The following CNTN1 variants were observed in gnomAD, a reference collection of about 807,000 sequenced individuals.
CNTN1 encodes contactin-1.
A neutral mutation model predicts 126.4 loss-of-function variants in CNTN1; 38 were observed. That is an observed-to-expected ratio of 0.30 (90% CI 0.23 to 0.39). CNTN1 has a LOEUF of 0.39. CNTN1 is among the 10% of genes least tolerant of loss of function. The pLI is 1.00. For missense variants in CNTN1, 1,009 were observed against 1,248.4 expected, an observed-to-expected ratio of 0.81 and a Z score of 2.89; for synonymous variants, 413 against 422.6, an observed-to-expected ratio of 0.98 and a Z score of 0.28.
chr12:40,715,985 C>A (rs949840013), intron 1 of CNTN1, among the ~76,000 whole-genome samples: 2 of 151,992 alleles, frequency 1.3e-5, no homozygotes, highest in Non-Finnish European at 2.9e-5. Flanking sequence ...GGGAGAGGTG[C>A]AGATATGAAG....
At chr12:40,819,973 C>T (rs1033867155) in intron 1 of CNTN1, among the ~76,000 whole-genome samples, 1 of 152,178 alleles carries the variant, frequency 6.6e-6, no homozygotes, top group African/African-American at 2.4e-5. Flanking sequence ...TTCTTCTCTC[C>T]GTGGGTCATG....
rs924635205 is a variant in CNTN1, at chr12:41,070,737, A to G, written c.*702A>G. On this transcript the variant is annotated 3_prime_UTR_variant, in exon 24 of 24. Transcript: ENST00000551295. ...TTTTTAATAGTAAAGTTAACATACC[A>G]TATAGATTTTTTTTTACTTTTATAT... 1 of 147,840 alleles carries G rather than the reference A, an allele frequency of 6.8e-6. No homozygotes were observed. Among genetic ancestry groups the G allele is most frequent in the African/African-American group, 2.6e-5 (1 of 38,118 alleles). The allele number at this position is 147,840 out of a possible 1,614,324, so 9.2% of individuals were successfully genotyped here. A position where few individuals can be genotyped will look rare whatever the true frequency, so the allele number is the denominator to read the frequency against.
At chr12:40,758,838 C>T (rs1252564433) in intron 1 of CNTN1, among the ~76,000 whole-genome samples, 1 of 152,084 alleles carries the variant, frequency 6.6e-6, no homozygotes, top group Non-Finnish European at 1.5e-5. Flanking sequence ...ACACAGCCTT[C>T]TTGTAATGAA....
At chr12:40,850,364 T>C (rs912909743) in intron 1 of CNTN1, among the ~76,000 whole-genome samples, 3 of 152,190 alleles carry the variant, frequency 2.0e-5, no homozygotes, top group African/African-American at 7.2e-5. Context: ...TGAATTTGAA[T>C]TGATTCATTA....
intron 14 of CNTN1, among the ~76,000 whole-genome samples, chr12:40,949,762 G>A (rs1185962511): frequency 2.0e-5 from 3 of 151,214 alleles, no homozygotes; most frequent in African/African-American, 7.3e-5. Flanking sequence ...TTTTAGTAGA[G>A]ATGGGGTTTC....
At chr12:40,911,782 A>G (rs1393428228) in intron 3 of CNTN1, among the ~76,000 whole-genome samples, 3 of 152,218 alleles carry the variant, frequency 2.0e-5, no homozygotes, top group East Asian at 3.9e-4. Context: ...GACCTTTCCC[A>G]GAAACCTTAC....
At chr12:40,904,239 C>G (rs1592232118) in intron 1 of CNTN1, among the ~76,000 whole-genome samples, 1 of 152,028 alleles carries the variant, frequency 6.6e-6, no homozygotes, top group Non-Finnish European at 1.5e-5. Flanking sequence ...AGGATGGTCT[C>G]AATCTCCTGA....
rs779211851 is a variant in CNTN1 at position 40,794,721 on chromosome 12, G to A, written c.-77+102129G>A. The stretch of plus-strand genomic sequence containing the variant: ...TTACTATAATTCTGAAAAAAGAGAC[G>A]GGAAAGCTTACTTCTAGTAGCTCCC... On this transcript the variant is annotated intron_variant, in intron 1 of 23. Coordinates refer to ENST00000551295, the MANE Select transcript of CNTN1 (RefSeq NM_001843.4). 5.3e-5 allele frequency among the ~76,000 whole-genome samples: 8 copies of A among 151,938 alleles called. 1 individual carries two copies. Among genetic ancestry groups the A allele is most frequent in the Non-Finnish European group, 8.8e-5 (6 of 67,958 alleles).
At chr12:40,871,639 G>A (rs573253953) in intron 1 of CNTN1, among the ~76,000 whole-genome samples, 15 of 152,280 alleles carry the variant, frequency 9.9e-5, no homozygotes, top group Admixed American at 9.8e-4. Context: ...AGAGACAGAG[G>A]AAGAGGTAAA....
chr12:40,855,510 A>T (rs543159953), intron 1 of CNTN1, among the ~76,000 whole-genome samples: 1 of 152,190 alleles, frequency 6.6e-6, no homozygotes, highest in East Asian at 1.9e-4. Flanking sequence ...TCATATGCTC[A>T]AAAGTATTTA....
chr12:40,982,617 TA>T (rs1328840652), intron 16 of CNTN1, among the ~76,000 whole-genome samples: 1 of 152,148 alleles, frequency 6.6e-6, no homozygotes, highest in Non-Finnish European at 1.5e-5. Context: ...GCTCATTCAT[TA>T]AACATGTTTA....
Position 40,971,550 on chromosome 12 carries a change from T to C in CNTN1, c.1805-9359T>C, listed in dbSNP as rs535776473. 5.1e-6 allele frequency: 8 copies of C among 1,580,798 alleles called. No homozygotes were observed. The East Asian group carries it at 6.8e-5, about 13-fold the overall frequency. The stretch of plus-strand genomic sequence containing the variant: ...CACCATTTCTGTGAAAGACTTTTTT[T>C]TTTTTAACATATTATACTAGATTTG... On this transcript the variant is annotated intron_variant, in intron 15 of 23. Coordinates refer to ENST00000551295, the MANE Select transcript of CNTN1 (RefSeq NM_001843.4).
chr12:41,049,579 G>A (rs1418442690), intron 23 of CNTN1, among the ~76,000 whole-genome samples: 1 of 152,194 alleles, frequency 6.6e-6, no homozygotes, highest in Non-Finnish European at 1.5e-5. Context: ...CTTGTCTCCA[G>A]GATTGTTGCA....
intron 1 of CNTN1, among the ~76,000 whole-genome samples, chr12:40,849,249 A>G (rs138716888): frequency 0.01 from 1,534 of 152,272 alleles, 25 homozygotes; most frequent in African/African-American, 0.035. Flanking sequence ...CACTTATTTA[A>G]AAAAGGTGTA....
At chr12:40,934,688 T>TA (rs1232542792) in intron 9 of CNTN1, among the ~76,000 whole-genome samples, 3 of 151,960 alleles carry the variant, frequency 2.0e-5, no homozygotes, top group African/African-American at 7.2e-5. Flanking sequence ...CAAAAAGGAA[T>TA]AAAAAATTTG....
intron 14 of CNTN1, among the ~76,000 whole-genome samples, chr12:40,949,714 G>T (rs978085596): frequency 2.0e-5 from 3 of 150,272 alleles, no homozygotes; most frequent in African/African-American, 4.9e-5. Flanking sequence ...AGCTGGGATT[G>T]CAGGTGCCTG....
At chr12:41,010,630 G>T (rs1948623942) in intron 17 of CNTN1, among the ~76,000 whole-genome samples, 1 of 152,102 alleles carries the variant, frequency 6.6e-6, no homozygotes, top group Non-Finnish European at 1.5e-5. Flanking sequence ...TAATAAACTT[G>T]TCCCTTAGGA....
chr12:40,890,405 T>C (rs1437199689), intron 1 of CNTN1, among the ~76,000 whole-genome samples: 1 of 152,166 alleles, frequency 6.6e-6, no homozygotes, highest in African/African-American at 2.4e-5. Flanking sequence ...GTACATCCTA[T>C]GGATTTGCAT....
intron 3 of CNTN1, among the ~76,000 whole-genome samples, chr12:40,910,885 A>G (rs532360502): frequency 1.3e-5 from 2 of 152,332 alleles, no homozygotes; most frequent in African/African-American, 4.8e-5. Flanking sequence ...ATGAAAAATC[A>G]TGAAGAATCA....
Sources: gnomAD v4.1 joint callset for allele counts (sites outside exome capture counted in the v4.1 genomes callset) on GRCh38, gnomAD v4.1.1 for gene constraint, MANE v1.5 for transcripts, NCBI Gene and HGNC (gene_info 2026-07-23, HGNC 2026-07-21) for gene names.